The following DEPTOR variants were observed in gnomAD, a reference collection of about 807,000 sequenced individuals.
DEPTOR encodes the protein DEP domain-containing mTOR-interacting protein.
Under a neutral mutation model 41.6 loss-of-function variants are expected in DEPTOR, and 41 were observed. That is an observed-to-expected ratio of 0.98 (90% CI 0.77 to 1.28). The LOEUF (loss-of-function observed/expected upper bound fraction) is 1.28. Among genes scored for constraint, DEPTOR ranks in the 50% most tolerant of loss-of-function variants. The probability of loss-of-function intolerance (pLI) is 0.00; values close to 1 mark genes in which losing one functional copy is unlikely to be tolerated. For synonymous variants in DEPTOR, 195 were observed against 192.3 expected (o/e 1.01, Z -0.12); for missense variants, 514 against 527.9 (o/e 0.97, Z 0.26).
intron 1 of DEPTOR, among the ~76,000 whole-genome samples, chr8:119,895,527 T>G (rs1366776530): frequency 6.6e-6 from 1 of 152,232 alleles, no homozygotes; most frequent in Non-Finnish European, 1.5e-5. Context: ...CCTATCCCTC[T>G]GCTGTAGTAT....
intron 4 of DEPTOR, among the ~76,000 whole-genome samples, chr8:119,980,468 CT>C (rs1828749613): frequency 1.5e-5 from 1 of 67,494 alleles, no homozygotes; most frequent in Non-Finnish European, 3.2e-5. Flanking sequence ...CTTTTCTTTT[CT>C]TTTCTTTTCT....
intron 8 of DEPTOR, among the ~76,000 whole-genome samples, chr8:120,041,727 G>A (rs182379617): frequency 1.3e-5 from 2 of 152,014 alleles, no homozygotes; most frequent in African/African-American, 4.8e-5. Flanking sequence ...TGGTAGAGAC[G>A]GGGTTTCACC....
intron 3 of DEPTOR, among the ~76,000 whole-genome samples, chr8:119,956,926 G>T (rs980051267): frequency 6.6e-6 from 1 of 151,822 alleles, no homozygotes; most frequent in South Asian, 2.1e-4. Context: ...TAGTAGAGAC[G>T]GGGTTTCACC....
At chr8:119,938,867 C>G (rs778326718) in intron 3 of DEPTOR, among the ~76,000 whole-genome samples, 1 of 149,916 alleles carries the variant, frequency 6.7e-6, no homozygotes, top group Non-Finnish European at 1.5e-5. Context: ...CCGTTTCTCC[C>G]TCTCTGCCTT....
At chr8:119,879,709 T>C (rs117859196) in intron 1 of DEPTOR, among the ~76,000 whole-genome samples, 1,647 of 149,808 alleles carry the variant, frequency 0.011, 13 homozygotes, top group Non-Finnish European at 0.016. Context: ...AGATTCTGTC[T>C]TAAATAAATA....
In DEPTOR at chr8:120,034,593, G is replaced by T. The variant is rs368322989; in HGVS notation, c.1102-14983G>T. ...CTCCCAAGTAGCTGGGATTACAGGC[G>T]CCAGCCACCACGCCTGGCTAATTGT... On this transcript the variant is annotated intron_variant, in intron 8 of 8. Transcript: ENST00000286234. Among the ~76,000 whole-genome samples the T allele has an allele frequency of 2.9e-3, 433 of 151,340 alleles. 8 individuals carry two copies. Among genetic ancestry groups the T allele is most frequent in the Non-Finnish European group, 2.1e-3 (143 of 67,840 alleles).
chr8:119,918,595 G>A (rs973992292), intron 1 of DEPTOR, among the ~76,000 whole-genome samples: 1 of 152,098 alleles, frequency 6.6e-6, no homozygotes, highest in African/African-American at 2.4e-5. Context: ...CGAGTAGCTG[G>A]GACTACAGGC....
chr8:119,918,138 G>A (rs1207315471), intron 1 of DEPTOR, among the ~76,000 whole-genome samples: 6 of 152,082 alleles, frequency 3.9e-5, no homozygotes, highest in Non-Finnish European at 7.4e-5. Context: ...TGTGCTGAAC[G>A]CCGGTCTCCT....
chr8:119,995,164 C>A (rs1259862444), intron 4 of DEPTOR, among the ~76,000 whole-genome samples: 1 of 152,038 alleles, frequency 6.6e-6, no homozygotes, highest in Non-Finnish European at 1.5e-5. Context: ...TCTCATTTTT[C>A]CTTTGCATGG....
chr8:119,916,415 C>T (rs867014696), intron 1 of DEPTOR, among the ~76,000 whole-genome samples: 2 of 151,934 alleles, frequency 1.3e-5, no homozygotes, highest in African/African-American at 2.4e-5. Flanking sequence ...GCCACGGTGC[C>T]CAGCCAACAG....
intron 6 of DEPTOR, 111 bp downstream of exon 6, chr8:120,003,222 G>A: frequency 6.6e-7 from 1 of 1,521,576 alleles, no homozygotes. Flanking sequence ...TAATAAGTTA[G>A]AGCATGCTCT....
At chr8:119,975,837 A>G (rs1051980719) in intron 4 of DEPTOR, among the ~76,000 whole-genome samples, 4 of 139,956 alleles carry the variant, frequency 2.9e-5, no homozygotes, top group African/African-American at 8.1e-5. Flanking sequence ...CCTCTCTATC[A>G]TGGCTCTCCT....
At chr8:119,904,778 G>GA (rs753104374) in intron 1 of DEPTOR, among the ~76,000 whole-genome samples, 7 of 151,742 alleles carry the variant, frequency 4.6e-5, no homozygotes, top group Non-Finnish European at 1.0e-4. Flanking sequence ...TTACAGGCAT[G>GA]AGCCATTTTG....
intron 1 of DEPTOR, among the ~76,000 whole-genome samples, chr8:119,919,943 T>C (rs1385342916): frequency 6.6e-6 from 1 of 152,208 alleles, no homozygotes; most frequent in Non-Finnish European, 1.5e-5. Flanking sequence ...GTTAACACCC[T>C]GCACCCAGTA....
intron 2 of DEPTOR, 129 bp from the exon 3 acceptor site, chr8:119,929,686 T>G: frequency 8.1e-7 from 1 of 1,235,198 alleles, no homozygotes; most frequent in Non-Finnish European, 1.1e-6. Flanking sequence ...TTAGCTCATA[T>G]GGTACATATT....
chr8:119,990,894 A>C (rs1812148450), intron 4 of DEPTOR, among the ~76,000 whole-genome samples: 2 of 152,154 alleles, frequency 1.3e-5, no homozygotes, highest in Admixed American at 1.3e-4. Flanking sequence ...TAGGCACTTA[A>C]AAACAATTGC....
intron 1 of DEPTOR, among the ~76,000 whole-genome samples, chr8:119,902,402 C>T (rs898720966): frequency 3.9e-5 from 6 of 152,086 alleles, no homozygotes; most frequent in South Asian, 4.2e-4. Context: ...TGCAGTGGCA[C>T]GATCTCAGCT....
At chr8:120,034,443 C>CTTTTTTTTT (rs148465030) in intron 8 of DEPTOR, among the ~76,000 whole-genome samples, 55 of 91,564 alleles carry the variant, frequency 6.0e-4, no homozygotes, top group African/African-American at 2.1e-3. Context: ...TTTCCTTTTT[C>CTTTTTTTTT]TTTTTTTTTT....
chr8:120,019,388 T>A (rs1042050214), intron 8 of DEPTOR, among the ~76,000 whole-genome samples: 11 of 152,172 alleles, frequency 7.2e-5, no homozygotes. Context: ...CTGGTGTCAC[T>A]CTCAATCAGA....
Sources: allele counts gnomAD v4.1 joint callset (sites outside exome capture counted in the v4.1 genomes callset), GRCh38; gene constraint gnomAD v4.1.1; transcripts MANE v1.5; gene names NCBI Gene and HGNC (gene_info 2026-07-23, HGNC 2026-07-21).